The following THEMIS variants were observed in gnomAD, a reference collection of about 807,000 sequenced individuals.
The protein encoded by THEMIS is protein THEMIS.
A neutral mutation model predicts 52.6 loss-of-function variants in THEMIS; 37 were observed. The ratio of observed to expected loss-of-function variants is 0.70; its 90% CI spans 0.54 to 0.93. The LOEUF is 0.93. THEMIS is among the 40% of genes least tolerant of loss of function. The pLI, the probability that THEMIS is intolerant of heterozygous loss-of-function variation, is 0.00. For missense variants in THEMIS, 808 were observed against 763.1 expected, an observed-to-expected ratio of 1.06 and a Z score of -0.69; for synonymous variants, 292 against 272.7, an observed-to-expected ratio of 1.07 and a Z score of -0.70.
intron 1 of THEMIS, among the ~76,000 whole-genome samples, chr6:127,884,434 AC>A (rs1289190873): frequency 4.6e-5 from 7 of 152,092 alleles, no homozygotes; most frequent in African/African-American, 1.7e-4. Flanking sequence ...TTGGAATATA[AC>A]TGAATTAGGC....
chr6:127,728,948 GATTACATTTGTATCTTCA>G (rs1377373556), intron 4 of THEMIS, among the ~76,000 whole-genome samples: 1 of 152,022 alleles, frequency 6.6e-6, no homozygotes, highest in East Asian at 1.9e-4. Context: ...CTTTTTATTT[GATTACATTTGTATCTTCA>G]AATACACTTG....
intron 1 of THEMIS, among the ~76,000 whole-genome samples, chr6:127,868,008 C>T (rs1181790757): frequency 6.6e-6 from 1 of 152,036 alleles, no homozygotes; most frequent in African/African-American, 2.4e-5. Context: ...AGAATGCCTT[C>T]TCTACAGTCA....
At chr6:127,899,236 G>GTA (rs1395764399) in intron 1 of THEMIS, among the ~76,000 whole-genome samples, 13 of 151,662 alleles carry the variant, frequency 8.6e-5, no homozygotes, top group Admixed American at 8.6e-4. Flanking sequence ...CCATAAATAT[G>GTA]TATATATATT....
In THEMIS at chr6:127,813,402, A is replaced by G; in HGVS notation, c.1239T>C (p.Cys413=). ...GIKKVVNVLA[C]EKILKKSYEA... is the part of the protein sequence containing the mutation. Reference sequence around the variant, plus strand: ...CATAGGACTTTTTGAGGATTTTTTCACAGGCCAGAACATTCACCACTTTTT... The same window carrying G: ...CATAGGACTTTTTGAGGATTTTTTCGCAGGCCAGAACATTCACCACTTTTT... The change falls in exon 4 of 6, where the codon TGT becomes TGC. Residue 413 remains cysteine (C), a synonymous_variant. Transcript: ENST00000368248. The G allele has an allele frequency of 6.2e-7, 1 of 1,613,588 alleles. No homozygotes were observed. The highest frequency in any genetic ancestry group is 1.3e-5 in the African/African-American group (1 of 74,968).
Position 127,734,988 on chromosome 6 carries a change from T to C in THEMIS, c.1759-15165A>G, listed in dbSNP as rs73595717. Among the ~76,000 whole-genome samples, 1,435 of 146,794 alleles carry C rather than the reference T, an allele frequency of 9.8e-3. 17 individuals are homozygous for C. Among genetic ancestry groups the C allele is most frequent in the African/African-American group, 0.034 (1,348 of 39,786 alleles). On this transcript the variant is annotated intron_variant, in intron 4 of 5. Coordinates refer to ENST00000368248, the MANE Select transcript of THEMIS (RefSeq NM_001010923.3). ...GTGTGTATATGTGTGTGTATATATA[T>C]ATATACTGGAGTTCAGGAATTAAGA... is the stretch of plus-strand genomic sequence containing the variant.
At chr6:127,802,737 C>A (rs1253959655) in intron 4 of THEMIS, among the ~76,000 whole-genome samples, 1 of 152,196 alleles carries the variant, frequency 6.6e-6, no homozygotes, top group African/African-American at 2.4e-5. Context: ...GAGGCCAGGA[C>A]TCCTTGTGGA....
chr6:127,765,894 T>C (rs1208614334), intron 4 of THEMIS, among the ~76,000 whole-genome samples: 1 of 152,170 alleles, frequency 6.6e-6, no homozygotes, highest in Admixed American at 6.5e-5. Context: ...CATATCATAG[T>C]CAATAATCGG....
chr6:127,912,753 T>A (rs1437194824), intron 1 of THEMIS, among the ~76,000 whole-genome samples: 1 of 152,218 alleles, frequency 6.6e-6, no homozygotes, highest in African/African-American at 2.4e-5. Context: ...GAAAAAAGTT[T>A]AAAGGTGTTA....
rs1435644604 is a variant in THEMIS at position 127,709,798 on chromosome 6, AT to A, written c.*186del. On this transcript the variant is annotated 3_prime_UTR_variant, in exon 6 of 6. Transcript: ENST00000368248. ...AGACACAACAGAATAGACTATATGA[AT>A]TCTATATCATAGGTTTCTGTAAGTT... 11 of 559,682 alleles carry A rather than the reference AT, an allele frequency of 2.0e-5. No individual in the cohort carries two copies. The highest frequency in any genetic ancestry group is 3.1e-5 in the Non-Finnish European group (10 of 322,284). The allele number at this position is 559,682 out of a possible 1,614,324, so 34.7% of individuals were successfully genotyped here.
chr6:127,799,163 G>A (rs1777437329), intron 4 of THEMIS, among the ~76,000 whole-genome samples: 1 of 152,104 alleles, frequency 6.6e-6, no homozygotes. Context: ...ATAAACTATT[G>A]AAAAGAAAGC....
intron 4 of THEMIS, among the ~76,000 whole-genome samples, chr6:127,748,209 A>C (rs1775515173): frequency 6.6e-6 from 1 of 152,080 alleles, no homozygotes; most frequent in South Asian, 2.1e-4. Context: ...TGTTGCTATA[A>C]CAGTACCTGA....
At chr6:127,843,963 G>A (rs1011533766) in intron 2 of THEMIS, among the ~76,000 whole-genome samples, 1 of 151,972 alleles carries the variant, frequency 6.6e-6, no homozygotes, top group African/African-American at 2.4e-5. Flanking sequence ...GCAACTCCAT[G>A]AAAGACCCTG....
At chr6:127,740,580 C>T (rs902493129) in intron 4 of THEMIS, among the ~76,000 whole-genome samples, 3 of 152,158 alleles carry the variant, frequency 2.0e-5, no homozygotes, top group Admixed American at 6.5e-5. Flanking sequence ...ATATATAAGT[C>T]CAGGCTTGTT....
chr6:127,872,838 A>C (rs1441559334), intron 1 of THEMIS, among the ~76,000 whole-genome samples: 1 of 152,300 alleles, frequency 6.6e-6, no homozygotes, highest in East Asian at 1.9e-4. Flanking sequence ...GGAAAGGAAA[A>C]AATAAAACAG....
intron 2 of THEMIS, among the ~76,000 whole-genome samples, chr6:127,835,274 G>C (rs1276443810): frequency 1.3e-5 from 2 of 152,152 alleles, no homozygotes; most frequent in Non-Finnish European, 2.9e-5. Context: ...ATTTTGGGCA[G>C]TAGAACTTTC....
chr6:127,696,889 A>G, the THEMIS span, among the ~76,000 whole-genome samples: 10 of 151,872 alleles, frequency 6.6e-5, no homozygotes, highest in Non-Finnish European at 1.5e-4. Flanking sequence ...TACCCTTTTT[A>G]CCTTAATTAC....
At chr6:127,882,134 A>G (rs1441646319) in intron 1 of THEMIS, among the ~76,000 whole-genome samples, 1 of 151,718 alleles carries the variant, frequency 6.6e-6, no homozygotes, top group East Asian at 1.9e-4. Context: ...GCAATTTTTT[A>G]ACTTTATGAT....
In THEMIS at chr6:127,711,505, G is replaced by A. The variant is rs112534083; in HGVS notation, c.1895-1489C>T. 3.3e-3 allele frequency among the ~76,000 whole-genome samples: 501 copies of A among 152,012 alleles called. 3 individuals carry two copies. The highest frequency in any genetic ancestry group is 3.6e-3 in the Non-Finnish European group (244 of 67,908). ...GTTAACTGGGACTGGGAGCTGGAGT[G>A]GTCAGTGGGTTGATGGTGAAGAGAA... On this transcript the variant is annotated intron_variant, in intron 5 of 5. Transcript: ENST00000368248.
intron 1 of THEMIS, among the ~76,000 whole-genome samples, chr6:127,917,447 G>A (rs962212390): frequency 7.2e-5 from 11 of 152,182 alleles, no homozygotes; most frequent in Non-Finnish European, 1.6e-4. Context: ...ACAGGAACCG[G>A]GGCAGTAGAA....
Sources: gnomAD v4.1 joint callset for allele counts (sites outside exome capture counted in the v4.1 genomes callset) on GRCh38, gnomAD v4.1.1 for gene constraint, MANE v1.5 for transcripts, NCBI Gene and HGNC (gene_info 2026-07-23, HGNC 2026-07-21) for gene names.